The following AASS variants were observed in gnomAD, a reference collection of about 807,000 sequenced individuals.
AASS encodes the protein aminoadipate-semialdehyde synthase.
In AASS, 86 loss-of-function variants were observed where a neutral mutation model predicts 105.4. The ratio of observed to expected loss-of-function variants is 0.82; its 90% CI spans 0.69 to 0.98. AASS has a LOEUF of 0.98. Ranked by LOEUF, AASS falls within the 50% of genes least tolerant of loss-of-function variation. The pLI, the probability that AASS is intolerant of heterozygous loss-of-function variation, is 0.00. For synonymous variants in AASS, 381 were observed against 394.8 expected (o/e 0.96, Z 0.41); for missense variants, 1,048 against 1,143.2 (o/e 0.92, Z 1.20).
chr7:122,082,974 G>A lies in AASS; in HGVS notation c.2185-1379C>T, dbSNP rs572944571. 1.6e-5 allele frequency: 13 copies of A among 800,640 alleles called. No homozygotes were observed. In the African/African-American group the frequency reaches 2.0e-4, roughly 12 times the overall value. 49.6% of individuals were successfully genotyped at this position (800,640 alleles called of 1,614,324 possible). A position where few individuals can be genotyped will look rare whatever the true frequency, so the allele number is the denominator to read the frequency against. On this transcript the variant is annotated intron_variant, in intron 19 of 23. Coordinates refer to ENST00000417368, the MANE Select transcript of AASS (RefSeq NM_005763.4). ...AGACCATAATGGTTTATTCCCCAGTGTGCAAATGGGAAGCAGGGTGAGAAG... is the reference window on the plus strand; with the variant it reads ...AGACCATAATGGTTTATTCCCCAGTATGCAAATGGGAAGCAGGGTGAGAAG...
intron 22 of AASS, 33 bp from the exon 23 acceptor site, chr7:122,078,047 C>A: frequency 1.3e-6 from 2 of 1,592,804 alleles, no homozygotes; most frequent in South Asian, 1.1e-5. Flanking sequence ...AAAAATACCA[C>A]TATCATTACA....
intron 2 of AASS, among the ~76,000 whole-genome samples, chr7:122,132,142 A>T (rs996291512): frequency 3.3e-5 from 5 of 152,192 alleles, no homozygotes; most frequent in African/African-American, 7.2e-5. Context: ...CAACATGAAG[A>T]TGTATATATA....
Position 122,113,111 on chromosome 7 carries a change from TG to T in AASS, c.1278+6del, listed in dbSNP as rs1795009108. On this transcript the variant is annotated splice_donor_region_variant and intron_variant, in intron 11 of 23. Coordinates refer to ENST00000417368, the MANE Select transcript of AASS (RefSeq NM_005763.4). ...AGAGTTGTTACTGATATTACCAGTC[TG>T]CTTACCATTTCTTCAACATAAGGGT... is the stretch of plus-strand genomic sequence containing the variant. 6.2e-7 allele frequency: 1 copy of T among 1,607,254 alleles called. No individual in the cohort carries two copies.
At chr7:122,136,744 T>C (rs1389580591) in intron 1 of AASS, among the ~76,000 whole-genome samples, 1 of 152,206 alleles carries the variant, frequency 6.6e-6, no homozygotes, top group African/African-American at 2.4e-5. Context: ...GTAACTTTTA[T>C]TATGAGTTGA....
intron 1 of AASS, among the ~76,000 whole-genome samples, chr7:122,138,842 A>G (rs1796265242): frequency 6.6e-6 from 1 of 152,172 alleles, no homozygotes; most frequent in African/African-American, 2.4e-5. Context: ...GAGAAAAAAA[A>G]GGACACAGAG....
intron 19 of AASS, among the ~76,000 whole-genome samples, chr7:122,084,616 C>T (rs1328426107): frequency 6.6e-6 from 1 of 151,644 alleles, no homozygotes; most frequent in East Asian, 1.9e-4. Flanking sequence ...CCATGGTTAC[C>T]AGGGGCAGGG....
intron 23 of AASS, 137 bp downstream of exon 23, chr7:122,077,701 C>A (rs775314271): frequency 2.7e-6 from 3 of 1,099,550 alleles, no homozygotes; most frequent in South Asian, 1.3e-5. Flanking sequence ...CCAGGCAGTC[C>A]GCGCTTGGAT....
At chr7:122,134,855 C>CA (rs944368893) in intron 1 of AASS, among the ~76,000 whole-genome samples, 62 of 152,220 alleles carry the variant, frequency 4.1e-4, no homozygotes, top group African/African-American at 1.3e-3. Flanking sequence ...TTCACAATAG[C>CA]AAAGACTTGG....
intron 15 of AASS, among the ~76,000 whole-genome samples, chr7:122,097,097 A>G (rs918690587): frequency 3.9e-5 from 6 of 152,126 alleles, no homozygotes; most frequent in African/African-American, 1.4e-4. Context: ...GCATAAAGTT[A>G]GCCTGTATTT....
Position 122,115,228 on chromosome 7 carries a change from A to G in AASS, c.895-6T>C, listed in dbSNP as rs373480282. ...CAAGTTGTATAGGGTGCAATCTGTA[A>G]TGCAAGTTCCAGGTTCAAGAAAATA... On this transcript the variant is annotated splice_polypyrimidine_tract_variant and splice_region_variant and intron_variant, in intron 8 of 23. Coordinates refer to ENST00000417368, the MANE Select transcript of AASS (RefSeq NM_005763.4). The G allele has an allele frequency of 6.2e-7, 1 of 1,613,960 alleles. No homozygotes were observed. Among genetic ancestry groups the G allele is most frequent in the Non-Finnish European group, 8.5e-7 (1 of 1,179,996 alleles).
intron 20 of AASS, 50 bp from the exon 21 acceptor site, chr7:122,079,762 T>C: frequency 7.8e-7 from 1 of 1,279,896 alleles, no homozygotes; most frequent in Non-Finnish European, 1.1e-6. Context: ...CAAATTTTTT[T>C]TTAATTGACT....
intron 11 of AASS, among the ~76,000 whole-genome samples, chr7:122,111,415 G>T (rs1794925151): frequency 6.6e-6 from 1 of 152,120 alleles, no homozygotes; most frequent in Admixed American, 6.5e-5. Context: ...TCTGTCATCA[G>T]CAAACCTGTA....
rs561678967 is a variant in AASS, at chr7:122,079,752, C to T, written c.2281-40G>A. The T allele has an allele frequency of 5.4e-6, 8 of 1,487,528 alleles. No individual in the cohort carries two copies. The South Asian group carries it at 8.0e-5, about 15-fold the overall frequency. 92.1% of individuals were successfully genotyped at this position (1,487,528 alleles called of 1,614,324 possible). On this transcript the variant is annotated intron_variant, in intron 20 of 23. Transcript: ENST00000417368. Reference sequence around the variant, plus strand: ...AAATACAATATTTCTAAGTCCCTAACAAATTTTTTTTTAATTGACTGAAAA... The same window carrying T: ...AAATACAATATTTCTAAGTCCCTAATAAATTTTTTTTTAATTGACTGAAAA...
At position 122,093,076 on chromosome 7, in the gene AASS, T is replaced by G; in HGVS notation, c.1738A>C (p.Thr580Pro). ...TTTTCCAATTCTTTTAGTGCTGGTGTGATGTAGCTTGCAGTGACCATGTTA... is the reference window on the plus strand; with the variant it reads ...TTTTCCAATTCTTTTAGTGCTGGTGGGATGTAGCTTGCAGTGACCATGTTA... ...KVNMVTASYI[T>P]PALKELEKSV... The change falls in exon 16 of 24, where the codon ACA (threonine) becomes CCA (proline). Residue 580 changes from threonine (T) to proline (P), a missense_variant. By Grantham distance (38) the Thr-to-Pro change is conservative. Transcript: ENST00000417368. 1 of 1,614,002 alleles carries G rather than the reference T, an allele frequency of 6.2e-7. No individual in the cohort carries two copies. Among genetic ancestry groups the G allele is most frequent in the Non-Finnish European group, 8.5e-7 (1 of 1,179,884 alleles).
chr7:122,085,260 A>G (rs1172931923), intron 19 of AASS, among the ~76,000 whole-genome samples: 1 of 152,156 alleles, frequency 6.6e-6, no homozygotes, highest in African/African-American at 2.4e-5. Context: ...TGAGAGAATA[A>G]ACCCCTATTG....
intron 11 of AASS, among the ~76,000 whole-genome samples, chr7:122,112,740 G>A (rs1399853025): frequency 1.3e-5 from 2 of 152,102 alleles, no homozygotes; most frequent in Non-Finnish European, 2.9e-5. Context: ...CAATAAAAAT[G>A]TTCTATATTT....
intron 4 of AASS, among the ~76,000 whole-genome samples, chr7:122,120,167 G>A (rs1466154585): frequency 6.6e-6 from 1 of 152,064 alleles, no homozygotes; most frequent in African/African-American, 2.4e-5. Flanking sequence ...GTTGTTTCCA[G>A]GCTATTATAA....
intron 15 of AASS, among the ~76,000 whole-genome samples, chr7:122,097,798 C>A (rs1164037705): frequency 4.5e-4 from 68 of 151,914 alleles, no homozygotes. Flanking sequence ...AACATTAATA[C>A]CTTATGACCT....
At position 122,078,846 on chromosome 7, in the gene AASS, A is replaced by C; in HGVS notation, c.2485+16T>G. The C allele has an allele frequency of 6.2e-7, 1 of 1,608,278 alleles. No individual in the cohort carries two copies. Among genetic ancestry groups the C allele is most frequent in the Non-Finnish European group, 8.5e-7 (1 of 1,174,764 alleles). On this transcript the variant is annotated intron_variant, in intron 22 of 23. Transcript: ENST00000417368. ...ATTCTTCTTTAGGTATATTTAGCTAATACTTCATGGCCTACCATAGGAAAG... is the reference window on the plus strand; with the variant it reads ...ATTCTTCTTTAGGTATATTTAGCTACTACTTCATGGCCTACCATAGGAAAG...
Sources: gnomAD v4.1 joint callset for allele counts (sites outside exome capture counted in the v4.1 genomes callset) on GRCh38, gnomAD v4.1.1 for gene constraint, MANE v1.5 for transcripts, NCBI Gene and HGNC (gene_info 2026-07-23, HGNC 2026-07-21) for gene names.